The following ATRNL1 variants were observed in gnomAD, a reference collection of about 807,000 sequenced individuals.
ATRNL1 encodes the protein attractin-like protein 1.
Under a neutral mutation model 182.7 loss-of-function variants are expected in ATRNL1, and 95 were observed. The ratio of observed to expected loss-of-function variants is 0.52; its 90% confidence interval spans 0.44 to 0.62. The LOEUF is 0.62. Ranked by LOEUF, ATRNL1 falls within the 20% of genes least tolerant of loss-of-function variation. The pLI, the probability that ATRNL1 is intolerant of heterozygous loss-of-function variation, is 0.00. For synonymous variants in ATRNL1, 576 were observed against 568.3 expected (o/e 1.01, Z -0.19); for missense variants, 1,471 against 1,679.5 (o/e 0.88, Z 2.17).
chr10:115,700,906 A>G (rs782121528), intron 26 of ATRNL1, among the ~76,000 whole-genome samples: 72 of 152,086 alleles, frequency 4.7e-4, no homozygotes, highest in Non-Finnish European at 5.1e-4. Flanking sequence ...ATCAAGGCAG[A>G]AGACTAACAA....
chr10:115,393,813 A>G (rs1297706778), intron 19 of ATRNL1, among the ~76,000 whole-genome samples: 1 of 152,260 alleles, frequency 6.6e-6, no homozygotes, highest in Non-Finnish European at 1.5e-5. Context: ...GATGTTGGAC[A>G]TAATTAAGTG....
chr10:115,707,787 T>G (rs1946946644), intron 26 of ATRNL1, among the ~76,000 whole-genome samples: 1 of 151,704 alleles, frequency 6.6e-6, no homozygotes, highest in African/African-American at 2.4e-5. Flanking sequence ...AATGACACTT[T>G]CATAGAAACT....
intron 19 of ATRNL1, among the ~76,000 whole-genome samples, chr10:115,361,681 A>G (rs1554944252): frequency 6.6e-6 from 1 of 152,094 alleles, no homozygotes; most frequent in East Asian, 1.9e-4. Flanking sequence ...ACCCCATATC[A>G]TAGTTTAGTG....
chr10:115,675,169 G>A (rs1945820788), intron 26 of ATRNL1, among the ~76,000 whole-genome samples: 1 of 152,062 alleles, frequency 6.6e-6, no homozygotes. Flanking sequence ...ATTGCTTGAA[G>A]CCAGGAATTG....
chr10:115,695,981 C>A (rs1946544913), intron 26 of ATRNL1, among the ~76,000 whole-genome samples: 1 of 151,830 alleles, frequency 6.6e-6, no homozygotes, highest in Non-Finnish European at 1.5e-5. Flanking sequence ...TTACTGCAAG[C>A]TCCACCTCCC....
At chr10:115,709,090 A>G (rs1265261314) in intron 26 of ATRNL1, among the ~76,000 whole-genome samples, 4 of 151,868 alleles carry the variant, frequency 2.6e-5, no homozygotes, top group African/African-American at 4.8e-5. Flanking sequence ...GATGGAAAGA[A>G]GAGCTGGTTA....
chr10:115,862,621 A>G (rs1951341665), intron 28 of ATRNL1, among the ~76,000 whole-genome samples: 1 of 152,214 alleles, frequency 6.6e-6, no homozygotes, highest in Non-Finnish European at 1.5e-5. Context: ...TGGTACAACA[A>G]CCGTGTTGGA....
intron 25 of ATRNL1, among the ~76,000 whole-genome samples, chr10:115,532,061 G>A (rs543084579): frequency 8.4e-4 from 127 of 151,306 alleles, no homozygotes; most frequent in Non-Finnish European, 1.3e-3. Context: ...GTCAGGTAGT[G>A]TGATGCCTCC....
chr10:115,203,577 C>CT (rs34988501), intron 8 of ATRNL1, among the ~76,000 whole-genome samples: 2,263 of 122,366 alleles, frequency 0.018, 45 homozygotes, highest in African/African-American at 0.023. Flanking sequence ...ATTGGGCCAC[C>CT]TTTTTTTTTT....
intron 26 of ATRNL1, among the ~76,000 whole-genome samples, chr10:115,635,830 T>A (rs781828629): frequency 1.3e-5 from 2 of 152,174 alleles, no homozygotes; most frequent in Non-Finnish European, 2.9e-5. Flanking sequence ...AGTGAACCAC[T>A]ACATGTAAGT....
chr10:115,722,474 T>C (rs539410633), intron 26 of ATRNL1, among the ~76,000 whole-genome samples: 1 of 152,296 alleles, frequency 6.6e-6, no homozygotes, highest in East Asian at 1.9e-4. Context: ...TTAATGATAC[T>C]AAAAGTTCTT....
In ATRNL1 at chr10:115,411,923, C is replaced by T. The variant is rs367804582; in HGVS notation, c.3270-14327C>T. 1.6e-4 allele frequency among the ~76,000 whole-genome samples: 25 copies of T among 152,112 alleles called. No homozygotes were observed. The East Asian group carries it at 4.4e-3, about 27-fold the overall frequency. On this transcript the variant is annotated intron_variant, in intron 20 of 28. Coordinates refer to ENST00000355044, the MANE Select transcript of ATRNL1 (RefSeq NM_207303.4). ...ACAAAAATTTTATGTTGGGCAGCTC[C>T]TATATTGACCATTAATTATCTATGA...
intron 19 of ATRNL1, among the ~76,000 whole-genome samples, chr10:115,336,188 A>G (rs1855472892): frequency 6.6e-6 from 1 of 152,208 alleles, no homozygotes; most frequent in African/African-American, 2.4e-5. Flanking sequence ...AGTTAGAGTA[A>G]GAAAATGTCT....
intron 19 of ATRNL1, among the ~76,000 whole-genome samples, chr10:115,335,905 G>A (rs781925375): frequency 2.0e-5 from 3 of 152,134 alleles, no homozygotes; most frequent in Non-Finnish European, 2.9e-5. Flanking sequence ...TGGGTAAGGA[G>A]GGCCTACTGT....
intron 8 of ATRNL1, among the ~76,000 whole-genome samples, chr10:115,211,275 C>CAA (rs1849014945): frequency 2.0e-5 from 3 of 150,610 alleles, no homozygotes; most frequent in Non-Finnish European, 4.4e-5. Context: ...GAATTTTTTC[C>CAA]CTCTTAATTC....
At chr10:115,664,136 G>A (rs149150886) in intron 26 of ATRNL1, among the ~76,000 whole-genome samples, 1 of 152,152 alleles carries the variant, frequency 6.6e-6, no homozygotes, top group East Asian at 1.9e-4. Context: ...AGTGTTCTCC[G>A]CTAAAGAGAT....
intron 8 of ATRNL1, among the ~76,000 whole-genome samples, chr10:115,205,396 C>T (rs1255279005): frequency 6.6e-6 from 1 of 151,762 alleles, no homozygotes; most frequent in Non-Finnish European, 1.5e-5. Context: ...GATTTTTGCC[C>T]TCTAATTATT....
At chr10:115,133,159 G>GT (rs1845337081) in intron 5 of ATRNL1, among the ~76,000 whole-genome samples, 2 of 152,160 alleles carry the variant, frequency 1.3e-5, no homozygotes, top group Admixed American at 1.3e-4. Context: ...TGGCTAGCCA[G>GT]TTTTCCCAGA....
At chr10:115,901,762 A>G (rs1952360036) in intron 28 of ATRNL1, among the ~76,000 whole-genome samples, 1 of 151,762 alleles carries the variant, frequency 6.6e-6, no homozygotes, top group South Asian at 2.1e-4. Context: ...AAAAAAAAAA[A>G]AAGCTTTGCT....
Sources: gnomAD v4.1 joint callset for allele counts (sites outside exome capture counted in the v4.1 genomes callset) on GRCh38, gnomAD v4.1.1 for gene constraint, MANE v1.5 for transcripts, NCBI Gene and HGNC (gene_info 2026-07-23, HGNC 2026-07-21) for gene names.